The following FEZ1 variants were observed in gnomAD, a reference collection of about 807,000 sequenced individuals.
The protein encoded by FEZ1 is fasciculation and elongation protein zeta 1, also known as fasciculation and elongation protein zeta-1.
A neutral mutation model predicts 49.3 loss-of-function variants in FEZ1; 20 were observed. That is an observed-to-expected ratio of 0.41 (90% CI 0.29 to 0.59). The LOEUF (loss-of-function observed/expected upper bound fraction) is 0.59, where lower values mean the gene tolerates loss of function less well. Ranked by LOEUF, FEZ1 falls within the 20% of genes least tolerant of loss-of-function variation. The pLI, the probability that FEZ1 is intolerant of heterozygous loss-of-function variation, is 0.36. For missense variants in FEZ1, 413 were observed against 476.0 expected (o/e 0.87, Z 1.23); for synonymous variants, 170 against 180.9 (o/e 0.94, Z 0.48).
At chr11:125,453,950 G>T (rs916869543) in intron 7 of FEZ1, 180 bp downstream of exon 7, 180 of 326,282 alleles carry the variant, frequency 5.5e-4, no homozygotes, top group Middle Eastern at 1.7e-3. Flanking sequence ...AAAAAAAAAA[G>T]TTTGCCTTTT....
intron 3 of FEZ1, chr11:125,469,030 ACT>A (rs1018803361): frequency 6.6e-6 from 1 of 152,048 alleles, no homozygotes; most frequent in African/African-American, 2.4e-5. Flanking sequence ...AGGATGTAAG[ACT>A]CTACAGAATG....
Position 125,489,647 on chromosome 11 carries a change from G to A in FEZ1, c.131C>T (p.Ser44Phe). 6.2e-7 allele frequency: 1 copy of A among 1,614,118 alleles called. No individual in the cohort carries two copies. Among genetic ancestry groups the A allele is most frequent in the Non-Finnish European group, 8.5e-7 (1 of 1,180,006 alleles). ...TTCGGAAGAAAAATTCTCAAGCTCG[G>A]AGAGGGAGGGGTCCTCGAGATGGTG... ...SPHHLEDPSLSELENFSSEII... is the reference protein window; with the variant it reads ...SPHHLEDPSLFELENFSSEII... Residue 44 changes from serine (S) to phenylalanine (F), a missense_variant, in exon 2 of 10, where the codon TCC becomes TTC. By Grantham distance (155) the Ser-to-Phe change is radical. Transcript: ENST00000278919. The surrounding 1 kb of genome is among the most constrained non-coding windows in gnomAD (Gnocchi z 4.2).
intron 5 of FEZ1, among the ~76,000 whole-genome samples, chr11:125,457,822 T>C (rs1229756295): frequency 1.3e-5 from 2 of 152,296 alleles, no homozygotes; most frequent in African/African-American, 4.8e-5. Context: ...CAGCGTCTAA[T>C]GGTGTCCTTC....
intron 1 of FEZ1, among the ~76,000 whole-genome samples, chr11:125,494,952 C>T (rs1591608288): frequency 1.3e-5 from 2 of 152,184 alleles, no homozygotes; most frequent in East Asian, 3.9e-4. Context: ...CAACTGATTC[C>T]GTGCCTCGTC....
rs574145533 is a variant in FEZ1 at position 125,463,092 on chromosome 11, G to C, written c.498+392C>G. The stretch of plus-strand genomic sequence containing the variant: ...AGGTGGGCAGATCACTTGAGGTTAG[G>C]AGTTTGAGACCAGCCTGGCCAACAT... On this transcript the variant is annotated intron_variant, in intron 4 of 9. Transcript: ENST00000278919. Among the ~76,000 whole-genome samples, 3 of 151,922 alleles carry C rather than the reference G, an allele frequency of 2.0e-5. No homozygotes were observed. In the East Asian group the frequency reaches 5.8e-4, roughly 30 times the overall value.
rs1397616807 is a variant in FEZ1 at position 125,445,694 on chromosome 11, C to G, written c.*401G>C. 3 of 338,600 alleles carry G rather than the reference C, an allele frequency of 8.9e-6. No individual in the cohort carries two copies. The highest frequency in any genetic ancestry group is 1.7e-5 in the Non-Finnish European group (3 of 171,762). 21.0% of individuals were successfully genotyped at this position (338,600 alleles called of 1,614,324 possible). On this transcript the variant is annotated 3_prime_UTR_variant, in exon 10 of 10. Coordinates refer to ENST00000278919, the MANE Select transcript of FEZ1 (RefSeq NM_005103.5). The surrounding 1 kb of genome is among the most constrained non-coding windows in gnomAD (Gnocchi z 4.4). ...GTGCAAAGAATGCTATACAGCCCGT[C>G]TCTGGAGTCTGGAGCAGAGGGCTAA...
At chr11:125,479,636 T>C (rs923586369) in intron 3 of FEZ1, among the ~76,000 whole-genome samples, 3 of 152,150 alleles carry the variant, frequency 2.0e-5, no homozygotes, top group African/African-American at 7.2e-5. Flanking sequence ...ATCATGGAGG[T>C]GGGATGCCCA....
chr11:125,457,769 C>G (rs1565533845), intron 5 of FEZ1, among the ~76,000 whole-genome samples: 25 of 151,908 alleles, frequency 1.6e-4, no homozygotes, highest in Non-Finnish European at 1.5e-5. Flanking sequence ...TCCTTTATGT[C>G]ACAAACAATC....
chr11:125,475,195 G>A (rs1021120939), intron 3 of FEZ1, among the ~76,000 whole-genome samples: 6 of 151,742 alleles, frequency 4.0e-5, no homozygotes, highest in Admixed American at 6.6e-5. Context: ...GCTTGAGTCC[G>A]GGAGGTGGAG....
At chr11:125,469,178 C>T (rs768882932) in intron 3 of FEZ1, 1 of 152,298 alleles carries the variant, frequency 6.6e-6, no homozygotes, top group Non-Finnish European at 1.5e-5. Flanking sequence ...TGCCAACTGT[C>T]AAGATCTCCG....
chr11:125,490,444 A>T (rs1206725348), intron 1 of FEZ1, among the ~76,000 whole-genome samples: 1 of 152,200 alleles, frequency 6.6e-6, no homozygotes. Context: ...CGGAATGTAC[A>T]CTCTATTACT....
chr11:125,463,354 T>C (rs1434609965), intron 4 of FEZ1, 130 bp downstream of exon 4: 4 of 635,856 alleles, frequency 6.3e-6, no homozygotes, highest in Non-Finnish European at 1.1e-5. Context: ...ATACTCTGAG[T>C]CATGAGCACA....
chr11:125,462,134 T>C (rs947065743), intron 4 of FEZ1, among the ~76,000 whole-genome samples: 5 of 152,234 alleles, frequency 3.3e-5, no homozygotes, highest in Admixed American at 6.5e-5. Flanking sequence ...ATCACAGATA[T>C]GAAAAAGCAC....
chr11:125,492,705 A>T (rs1176552140), intron 1 of FEZ1, among the ~76,000 whole-genome samples: 1 of 152,252 alleles, frequency 6.6e-6, no homozygotes, highest in Non-Finnish European at 1.5e-5. Context: ...AGTTTAAAAC[A>T]GTGCTTCCCT....
At chr11:125,457,217 T>A (rs1957018764) in intron 5 of FEZ1, among the ~76,000 whole-genome samples, 1 of 149,070 alleles carries the variant, frequency 6.7e-6, no homozygotes. Flanking sequence ...AATAAATAAA[T>A]AAAAACTTTA....
At chr11:125,475,349 A>G (rs1371746369) in intron 3 of FEZ1, among the ~76,000 whole-genome samples, 2 of 151,876 alleles carry the variant, frequency 1.3e-5, no homozygotes, top group Admixed American at 1.3e-4. Flanking sequence ...TCAATATTCT[A>G]TGTCACTAGA....
intron 5 of FEZ1, among the ~76,000 whole-genome samples, chr11:125,458,660 T>C (rs1054863818): frequency 6.6e-5 from 10 of 152,234 alleles, no homozygotes; most frequent in Non-Finnish European, 1.3e-4. Flanking sequence ...ATTAAATCTT[T>C]AAAATAAACA....
Position 125,489,343 on chromosome 11 carries a change from G to T in FEZ1, c.311+124C>A, listed in dbSNP as rs191440654. 15 of 1,468,076 alleles carry T rather than the reference G, an allele frequency of 1.0e-5. No individual in the cohort carries two copies. In the South Asian group the frequency reaches 1.9e-4, roughly 18 times the overall value. 90.9% of individuals were successfully genotyped at this position (1,468,076 alleles called of 1,614,324 possible). On this transcript the variant is annotated intron_variant, in intron 2 of 9. Transcript: ENST00000278919. The surrounding 1 kb of genome is among the most constrained non-coding windows in gnomAD (Gnocchi z 4.2). Reference sequence around the variant, plus strand: ...ACAGCAAGTACCAGGGCACTGCTCCGCTGGCAACACGAAAATGAAAGTAAT... The same window carrying T: ...ACAGCAAGTACCAGGGCACTGCTCCTCTGGCAACACGAAAATGAAAGTAAT...
Position 125,444,383 on chromosome 11 carries a change from C to T in FEZ1, c.*1712G>A, listed in dbSNP as rs535065892. On this transcript the variant is annotated 3_prime_UTR_variant, in exon 10 of 10. Transcript: ENST00000278919. ...GGCAGATCGCCTGAGGTCGGGAGTT[C>T]GAGACCAACCTGACCAACATGTAGA... Among the ~76,000 whole-genome samples, 4 of 152,244 alleles carry T rather than the reference C, an allele frequency of 2.6e-5. No individual in the cohort carries two copies. The highest frequency in any genetic ancestry group is 9.6e-5 in the African/African-American group (4 of 41,540).
Sources: allele counts gnomAD v4.1 joint callset (sites outside exome capture counted in the v4.1 genomes callset), GRCh38; gene constraint gnomAD v4.1.1; non-coding constraint Gnocchi (gnomAD v3.1); transcripts MANE v1.5; gene names NCBI Gene and HGNC (gene_info 2026-07-23, HGNC 2026-07-21).